The following ACAN variants were observed in gnomAD, a reference collection of about 807,000 sequenced individuals.
ACAN encodes the protein aggrecan.
Under a neutral mutation model 169.1 loss-of-function variants are expected in ACAN, and 47 were observed. The ratio of observed to expected loss-of-function variants is 0.28; its 90% CI spans 0.22 to 0.35. The LOEUF (loss-of-function observed/expected upper bound fraction) is 0.35. Among genes scored for constraint, ACAN ranks in the 10% least tolerant of loss-of-function variants. The probability of loss-of-function intolerance (pLI) is 1.00; values close to 1 mark genes in which losing one functional copy is unlikely to be tolerated. For synonymous variants in ACAN, 1,115 were observed against 1,112.2 expected (o/e 1.00, Z -0.05); for missense variants, 2,716 against 2,759.9 (o/e 0.98, Z 0.36).
chr15:88,803,946 G>T (rs1045221833), intron 1 of ACAN, 137 bp downstream of exon 1: 2 of 152,330 alleles, frequency 1.3e-5, no homozygotes, highest in African/African-American at 4.8e-5. Flanking sequence ...TGCCGGGGGC[G>T]CAGCACATCC....
chr15:88,852,808 A>C (rs933441265), intron 11 of ACAN, among the ~76,000 whole-genome samples: 2 of 152,200 alleles, frequency 1.3e-5, no homozygotes, highest in Non-Finnish European at 2.9e-5. Context: ...CAACTGGGGA[A>C]AGCTTGATTT....
chr15:88,865,630 A>C (rs1433686314), intron 13 of ACAN, among the ~76,000 whole-genome samples: 2 of 152,020 alleles, frequency 1.3e-5, no homozygotes, highest in Non-Finnish European at 2.9e-5. Context: ...TTTCCCTATG[A>C]AGCCTGCCCA....
Position 88,849,542 on chromosome 15 carries a change from G to A in ACAN, c.1837G>A (p.Ala613Thr), listed in dbSNP as rs377219636. The A allele has an allele frequency of 2.3e-5, 37 of 1,604,150 alleles. No homozygotes were observed. The highest frequency in any genetic ancestry group is 2.6e-5 in the Non-Finnish European group (31 of 1,175,780). ...GCTGGCCACCACGGGCCAGCTCTACGCCGCCTGGAGCCGCGGCCTGGACAA... is the reference window on the plus strand; with the variant it reads ...GCTGGCCACCACGGGCCAGCTCTACACCGCCTGGAGCCGCGGCCTGGACAA... ...ATLATTGQLY[A>T]AWSRGLDKCY... The change falls in exon 10 of 19, where the codon GCC becomes ACC. Residue 613 changes from alanine (A) to threonine (T), a missense_variant. Transcript: ENST00000560601. The surrounding 1 kb of genome is among the most constrained non-coding windows in gnomAD (Gnocchi z 5.1).
Position 88,855,362 on chromosome 15 carries a change from T to C in ACAN, c.2777T>C (p.Ile926Thr), listed in dbSNP as rs1394715792. Residue 926 changes from isoleucine to threonine, a missense_variant, in exon 12 of 19, where the codon ATT becomes ACT. Coordinates refer to ENST00000560601, the MANE Select transcript of ACAN (RefSeq NM_001369268.1). The part of the protein sequence containing the change: ...SGLPSGDEER[I>T]EWPSTPTVGE... ...CTACCCTCAGGGGATGAAGAGAGAA[T>C]TGAGTGGCCCAGCACTCCTACGGTT... 1 of 1,612,780 alleles carries C rather than the reference T, an allele frequency of 6.2e-7. No individual in the cohort carries two copies. Among genetic ancestry groups the C allele is most frequent in the Non-Finnish European group, 8.5e-7 (1 of 1,179,118 alleles).
At chr15:88,863,009 A>G (rs1324465614) in intron 13 of ACAN, among the ~76,000 whole-genome samples, 1 of 151,588 alleles carries the variant, frequency 6.6e-6, no homozygotes, top group Non-Finnish European at 1.5e-5. Flanking sequence ...AAAAAAAAAA[A>G]AAAAAAAAGA....
In ACAN at chr15:88,873,135, G is replaced by A; in HGVS notation, c.7447+110G>A. On this transcript the variant is annotated intron_variant, in intron 17 of 18. Coordinates refer to ENST00000560601, the MANE Select transcript of ACAN (RefSeq NM_001369268.1). The surrounding 1 kb of genome is among the most constrained non-coding windows in gnomAD (Gnocchi z 7.5). ...TGAGTCCCTTGTCTTCTGGCTGCTG[G>A]TGTCTCCTCACTTGTCCAAAAGGCA... The A allele has an allele frequency of 7.2e-7, 1 of 1,388,444 alleles. No individual in the cohort carries two copies. Among genetic ancestry groups the A allele is most frequent in the Non-Finnish European group, 9.7e-7 (1 of 1,028,964 alleles). 86.0% of individuals were successfully genotyped at this position (1,388,444 alleles called of 1,614,324 possible).
In ACAN at chr15:88,874,628, T is replaced by A; in HGVS notation, c.*147T>A. The A allele has an allele frequency of 1.2e-6, 1 of 802,160 alleles. No homozygotes were observed. The highest frequency in any genetic ancestry group is 2.1e-6 in the Non-Finnish European group (1 of 478,016). The allele number at this position is 802,160 out of a possible 1,614,324, so 49.7% of individuals were successfully genotyped here. A position where few individuals can be genotyped will look rare whatever the true frequency, so the allele number is the denominator to read the frequency against. ...AGGAAAAAAATAAATCCCACATTTG[T>A]GTATGCACCCACTCACCCCTCCAAA... On this transcript the variant is annotated 3_prime_UTR_variant, in exon 19 of 19. Transcript: ENST00000560601. This position sits in a 1 kb window ranked among gnomAD's most constrained non-coding sequence, Gnocchi z 7.3.
intron 1 of ACAN, among the ~76,000 whole-genome samples, chr15:88,827,109 C>G (rs16942250): frequency 0.04 from 6,069 of 152,204 alleles, 400 homozygotes; most frequent in African/African-American, 0.14. Flanking sequence ...CTAGATTGTT[C>G]CTGAAGCCAT....
chr15:88,805,180 G>A (rs980794700), intron 1 of ACAN, among the ~76,000 whole-genome samples: 1 of 152,144 alleles, frequency 6.6e-6, no homozygotes, highest in Non-Finnish European at 1.5e-5. Context: ...TGGACAAGGA[G>A]CAATCAGGTT....
intron 1 of ACAN, among the ~76,000 whole-genome samples, chr15:88,809,595 C>T (rs2141487792): frequency 6.6e-6 from 1 of 152,342 alleles, no homozygotes; most frequent in African/African-American, 2.4e-5. Context: ...AAAGAGAGCA[C>T]CAAGAATACC....
Position 88,847,275 on chromosome 15 carries a change from C to T in ACAN, c.1462C>T (p.Arg488Cys), listed in dbSNP as rs1016252040. Reference protein sequence around the residue: ...VVFHYRPGPTRYSLTFEEAQQ... With the variant: ...VVFHYRPGPTCYSLTFEEAQQ... ...CTTCCACTACCGCCCGGGACCCACC[C>T]GCTACTCGCTGACCTTTGAGGAGGC... is the stretch of plus-strand genomic sequence containing the variant. Residue 488 changes from arginine to cysteine, a missense_variant, in exon 8 of 19, where the codon CGC becomes TGC. Physicochemically the swap from Arg to Cys is radical, Grantham distance 180. Coordinates refer to ENST00000560601, the MANE Select transcript of ACAN (RefSeq NM_001369268.1). 9 of 1,565,254 alleles carry T rather than the reference C, an allele frequency of 5.7e-6. No homozygotes were observed. The highest frequency in any genetic ancestry group is 2.7e-5 in the African/African-American group (2 of 73,734).
intron 1 of ACAN, among the ~76,000 whole-genome samples, chr15:88,821,288 T>C (rs1048481447): frequency 6.6e-6 from 1 of 152,088 alleles, no homozygotes; most frequent in African/African-American, 2.4e-5. Context: ...CACAGTTGCA[T>C]ACCACCATGG....
chr15:88,837,750 T>G (rs1438566671), intron 2 of ACAN, among the ~76,000 whole-genome samples: 2 of 152,186 alleles, frequency 1.3e-5, no homozygotes, highest in Admixed American at 1.3e-4. Flanking sequence ...GCCTGGACTC[T>G]AAGCATTCCT....
intron 13 of ACAN, among the ~76,000 whole-genome samples, chr15:88,863,867 G>C (rs956360400): frequency 6.6e-6 from 1 of 152,222 alleles, no homozygotes; most frequent in Non-Finnish European, 1.5e-5. Context: ...ACAGGCAACT[G>C]ATTGATTTAA....
chr15:88,825,807 C>T (rs1896202459), intron 1 of ACAN, among the ~76,000 whole-genome samples: 1 of 152,216 alleles, frequency 6.6e-6, no homozygotes, highest in Non-Finnish European at 1.5e-5. Context: ...CTACTGTGCC[C>T]ACCCCCACCT....
Position 88,871,538 on chromosome 15 carries a change from A to G in ACAN, c.7217A>G (p.Asn2406Ser). ...IVTPEEQEFVNNNAQDYQWIG... is the reference protein window; with the variant it reads ...IVTPEEQEFVSNNAQDYQWIG... ...ACCCCCGAGGAGCAGGAGTTTGTCA[A>G]CAGTGAGTGCGGCGGGGCCTCTGGA... Residue 2406 changes from asparagine (N) to serine (S), a missense_variant and splice_region_variant, in exon 15 of 19, where the codon AAC becomes AGC. Transcript: ENST00000560601. The surrounding 1 kb of genome is among the most constrained non-coding windows in gnomAD (Gnocchi z 7.8). 1 of 1,612,200 alleles carries G rather than the reference A, an allele frequency of 6.2e-7. No individual in the cohort carries two copies. Among genetic ancestry groups the G allele is most frequent in the Non-Finnish European group, 8.5e-7 (1 of 1,179,262 alleles).
rs935787112 is a variant in ACAN at position 88,861,659 on chromosome 15, G to A, written c.6946+1220G>A. ...AAGGTCCCGGGCTTACTGCAGAAGGGGACAGCATTTCCACTGGGCCATAGT... is the reference window on the plus strand; with the variant it reads ...AAGGTCCCGGGCTTACTGCAGAAGGAGACAGCATTTCCACTGGGCCATAGT... On this transcript the variant is annotated intron_variant, in intron 13 of 18. Transcript: ENST00000560601. This position sits in a 1 kb window ranked among gnomAD's most constrained non-coding sequence, Gnocchi z 6.3. Among the ~76,000 whole-genome samples the A allele has an allele frequency of 2.0e-5, 3 of 152,028 alleles. No individual in the cohort carries two copies. The highest frequency in any genetic ancestry group is 7.2e-5 in the African/African-American group (3 of 41,384).
intron 1 of ACAN, among the ~76,000 whole-genome samples, chr15:88,834,313 AAAG>A (rs371636678): frequency 1.1e-3 from 175 of 152,328 alleles, no homozygotes; most frequent in African/African-American, 3.8e-3. Flanking sequence ...TAGGTGGTAG[AAAG>A]ATGACACACT....
intron 1 of ACAN, among the ~76,000 whole-genome samples, chr15:88,815,198 G>A (rs1356268796): frequency 6.6e-6 from 1 of 152,098 alleles, no homozygotes; most frequent in Non-Finnish European, 1.5e-5. Context: ...GGAATGGAAG[G>A]GGAGGTCCTG....
Sources: allele counts gnomAD v4.1 joint callset (sites outside exome capture counted in the v4.1 genomes callset), GRCh38; gene constraint gnomAD v4.1.1; non-coding constraint Gnocchi (gnomAD v3.1); transcripts MANE v1.5; gene names NCBI Gene and HGNC (gene_info 2026-07-23, HGNC 2026-07-21).